The following BFSP2 variants were observed in gnomAD, a reference collection of about 807,000 sequenced individuals.
BFSP2 encodes phakinin.
BFSP2 carries 38 observed loss-of-function variants against 44.9 expected under a neutral mutation model. The observed-to-expected ratio is 0.85, with a 90% CI of 0.65 to 1.11. BFSP2 has a LOEUF of 1.11. BFSP2 is among the 50% of genes least tolerant of loss of function. The pLI is 0.00. For missense variants in BFSP2, 525 were observed against 533.0 expected, an observed-to-expected ratio of 0.99 and a Z score of 0.15; for synonymous variants, 197 against 209.9, an observed-to-expected ratio of 0.94 and a Z score of 0.53.
intron 1 of BFSP2, among the ~76,000 whole-genome samples, chr3:133,421,125 G>A (rs2073588839): frequency 1.3e-5 from 2 of 152,176 alleles, no homozygotes; most frequent in South Asian, 4.1e-4. Flanking sequence ...GGCTCCTGCT[G>A]TTTCTCTATC....
At chr3:133,466,366 G>A (rs999639205) in intron 4 of BFSP2, among the ~76,000 whole-genome samples, 1 of 151,860 alleles carries the variant, frequency 6.6e-6, no homozygotes, top group Admixed American at 6.6e-5. Context: ...ACAAGTTGGT[G>A]AAGGGACCTG....
At chr3:133,431,064 C>G (rs1423625994) in intron 1 of BFSP2, among the ~76,000 whole-genome samples, 4 of 103,508 alleles carry the variant, frequency 3.9e-5, no homozygotes, top group African/African-American at 1.0e-4. Context: ...TATAAAAAAC[C>G]CAGCCCAGTT....
At chr3:133,410,445 G>T in intron 1 of BFSP2, 1 of 275,062 alleles carries the variant, frequency 3.6e-6, no homozygotes. Context: ...TTCCAGCCCT[G>T]GGAAACCCCA....
chr3:133,436,109 A>G (rs2073778788), intron 1 of BFSP2, among the ~76,000 whole-genome samples: 1 of 152,048 alleles, frequency 6.6e-6, no homozygotes, highest in Non-Finnish European at 1.5e-5. Context: ...TATGTCTGTA[A>G]TCTCAGCACT....
chr3:133,459,364 T>C (rs1213954331), intron 4 of BFSP2, among the ~76,000 whole-genome samples: 2 of 151,958 alleles, frequency 1.3e-5, no homozygotes, highest in Non-Finnish European at 2.9e-5. Context: ...AATAGAAAAA[T>C]CTATTTTTCT....
intron 1 of BFSP2, chr3:133,409,918 G>C (rs2073434628): frequency 6.4e-6 from 1 of 156,482 alleles, no homozygotes. Flanking sequence ...CACCAAGGAG[G>C]CTGCACTGGG....
chr3:133,452,318 C>A (rs965340169), intron 4 of BFSP2, among the ~76,000 whole-genome samples: 32 of 152,162 alleles, frequency 2.1e-4, no homozygotes, highest in African/African-American at 7.5e-4. Flanking sequence ...TAGAAAACAT[C>A]CTTTCACTCA....
At chr3:133,443,223 G>A (rs1458232121) in intron 1 of BFSP2, among the ~76,000 whole-genome samples, 2 of 152,204 alleles carry the variant, frequency 1.3e-5, no homozygotes, top group Non-Finnish European at 2.9e-5. Context: ...ATAGCCAAGT[G>A]AAGACCTCAA....
intron 1 of BFSP2, among the ~76,000 whole-genome samples, chr3:133,430,398 C>T (rs1170150890): frequency 6.6e-6 from 1 of 151,596 alleles, no homozygotes; most frequent in African/African-American, 2.4e-5. Flanking sequence ...CCTATTTCTC[C>T]ACATCCTCTC....
Position 133,466,902 on chromosome 3 carries a change from C to T in BFSP2, c.966C>T (p.His322=), listed in dbSNP as rs758193040. The part of the protein sequence containing the change: ...KLAAALRVEL[H]NTSCQVQSLQ... Reference sequence around the variant, plus strand: ...CAGCTGCCCTCAGGGTGGAGTTACACAACACTTCGTGCCAAGTCCAGAGCC... The same window carrying T: ...CAGCTGCCCTCAGGGTGGAGTTACATAACACTTCGTGCCAAGTCCAGAGCC... The change falls in exon 5 of 7, where the codon CAC becomes CAT. Residue 322 remains histidine (H), a synonymous_variant. Transcript: ENST00000302334. The T allele has an allele frequency of 1.2e-6, 2 of 1,613,920 alleles. No individual in the cohort carries two copies. Among genetic ancestry groups the T allele is most frequent in the African/African-American group, 1.3e-5 (1 of 74,902 alleles).
At chr3:133,443,242 T>C (rs376890943) in intron 1 of BFSP2, among the ~76,000 whole-genome samples, 17 of 151,648 alleles carry the variant, frequency 1.1e-4, no homozygotes, top group African/African-American at 4.1e-4. Flanking sequence ...AAAGAGAGGG[T>C]GAGTATGCAA....
At chr3:133,417,452 TCTCTACTCACCCCTACCCTCTCCC>T (rs1166844553) in intron 1 of BFSP2, among the ~76,000 whole-genome samples, 6 of 19,642 alleles carry the variant, frequency 3.1e-4, no homozygotes, top group Non-Finnish European at 4.8e-4. Context: ...CATCCTCTCC[TCTCTACTCACCCCTACCCTCTCCC>T]CTCTACTCAC....
rs372127035 is a variant in BFSP2 at position 133,466,979 on chromosome 3, A to G, written c.1023+20A>G. On this transcript the variant is annotated intron_variant, in intron 5 of 6. Coordinates refer to ENST00000302334, the MANE Select transcript of BFSP2 (RefSeq NM_003571.4). ...GCCCTGGTAAGTGGGCCAAGGAAAG[A>G]CCTGGTGTCCTTGTGCTAATTTTAA... The G allele has an allele frequency of 6.2e-7, 1 of 1,613,216 alleles. No individual in the cohort carries two copies. The highest frequency in any genetic ancestry group is 8.5e-7 in the Non-Finnish European group (1 of 1,179,658).
At chr3:133,461,916 T>C (rs569153630) in intron 4 of BFSP2, among the ~76,000 whole-genome samples, 20 of 152,374 alleles carry the variant, frequency 1.3e-4, no homozygotes, top group African/African-American at 4.6e-4. Flanking sequence ...GCCTCAGGAC[T>C]TAGCAGCTTG....
At chr3:133,425,890 G>A (rs1291342773) in intron 1 of BFSP2, among the ~76,000 whole-genome samples, 1 of 110,474 alleles carries the variant, frequency 9.1e-6, no homozygotes, top group African/African-American at 3.4e-5. Flanking sequence ...GGGAAGGGAA[G>A]GCAAGGGAAA....
chr3:133,421,559 C>T (rs1223436650), intron 1 of BFSP2, among the ~76,000 whole-genome samples: 1 of 152,012 alleles, frequency 6.6e-6, no homozygotes, highest in Admixed American at 6.5e-5. Context: ...ATGACCTCAA[C>T]TTGATGACAT....
At chr3:133,446,189 G>C (rs949487927) in intron 1 of BFSP2, among the ~76,000 whole-genome samples, 1 of 152,148 alleles carries the variant, frequency 6.6e-6, no homozygotes, top group African/African-American at 2.4e-5. Flanking sequence ...GGGAGGCCAA[G>C]ATGGGTGGAT....
intron 4 of BFSP2, among the ~76,000 whole-genome samples, chr3:133,453,524 G>T (rs2073984227): frequency 6.6e-6 from 1 of 152,200 alleles, no homozygotes; most frequent in Admixed American, 6.5e-5. Context: ...AACCAACAAA[G>T]AATGCCTAAT....
intron 5 of BFSP2, among the ~76,000 whole-genome samples, chr3:133,469,099 GA>G (rs1366439271): frequency 2.0e-5 from 3 of 152,156 alleles, no homozygotes; most frequent in Non-Finnish European, 2.9e-5. Flanking sequence ...GAAAAAAATG[GA>G]AAAATAATTT....
Sources: allele counts gnomAD v4.1 joint callset (sites outside exome capture counted in the v4.1 genomes callset), GRCh38; gene constraint gnomAD v4.1.1; transcripts MANE v1.5; gene names NCBI Gene and HGNC (gene_info 2026-07-23, HGNC 2026-07-21).